The following NKAIN2 variants were observed in gnomAD, a reference collection of about 807,000 sequenced individuals.
The protein encoded by NKAIN2 is sodium/potassium transporting ATPase interacting 2.
A neutral mutation model predicts 32.6 loss-of-function variants in NKAIN2; 14 were observed. That is an observed-to-expected ratio of 0.43 (90% CI 0.28 to 0.67). The LOEUF (loss-of-function observed/expected upper bound fraction) is 0.67. Among genes scored for constraint, NKAIN2 ranks in the 30% least tolerant of loss-of-function variants. NKAIN2 has a pLI of 0.17. For synonymous variants in NKAIN2, 80 were observed against 87.2 expected, an observed-to-expected ratio of 0.92 and a Z score of 0.46; for missense variants, 198 against 258.3, an observed-to-expected ratio of 0.77 and a Z score of 1.60.
intron 3 of NKAIN2, among the ~76,000 whole-genome samples, chr6:124,546,707 A>G (rs1224640954): frequency 6.6e-6 from 1 of 152,174 alleles, no homozygotes; most frequent in Non-Finnish European, 1.5e-5. Context: ...TCTTAGGAGA[A>G]AGTGGAAGGA....
chr6:124,406,013 G>GGTGTGTGTGTGTGTGTGTGTGTGTGTGT lies in NKAIN2; in HGVS notation c.273+50688_273+50689insGTGTGTGTGTGTGTGTGTGTGTGTGTGT, dbSNP rs59361002. Among the ~76,000 whole-genome samples, 380 of 148,526 alleles carry GGTGTGTGTGTGTGTGTGTGTGTGTGTGT rather than the reference G, an allele frequency of 2.6e-3. 1 individual carries two copies. Among genetic ancestry groups the GGTGTGTGTGTGTGTGTGTGTGTGTGTGT allele is most frequent in the South Asian group, 5.3e-3 (25 of 4,686 alleles). ...TACCCAATTCATTCATTACCACCAC[G>GGTGTGTGTGTGTGTGTGTGTGTGTGTGT]GTGTGTGTGTGTGTGTGTGTGTAAT... On this transcript the variant is annotated intron_variant, in intron 3 of 6. Transcript: ENST00000368417.
chr6:124,667,832 C>A (rs1772880270), intron 4 of NKAIN2, among the ~76,000 whole-genome samples: 1 of 152,074 alleles, frequency 6.6e-6, no homozygotes, highest in Non-Finnish European at 1.5e-5. Flanking sequence ...TGGGCAGACA[C>A]ACTTAAGCTA....
At chr6:124,601,982 T>C (rs9491198) in intron 3 of NKAIN2, among the ~76,000 whole-genome samples, 16,615 of 151,988 alleles carry the variant, frequency 0.11, 1,190 homozygotes, top group African/African-American at 0.2. Flanking sequence ...TGGATATTGA[T>C]GTTAATCTCC....
At chr6:124,143,844 G>T (rs996228560) in intron 1 of NKAIN2, among the ~76,000 whole-genome samples, 3 of 152,034 alleles carry the variant, frequency 2.0e-5, no homozygotes, top group African/African-American at 7.2e-5. Context: ...TATGATAAAG[G>T]TTAAGTATAA....
At chr6:123,841,511 A>T (rs1411613320) in intron 1 of NKAIN2, among the ~76,000 whole-genome samples, 1 of 152,198 alleles carries the variant, frequency 6.6e-6, no homozygotes, top group Non-Finnish European at 1.5e-5. Context: ...TGCAGGGACA[A>T]ATTCAGTTGT....
intron 3 of NKAIN2, among the ~76,000 whole-genome samples, chr6:124,641,590 T>G: frequency 7.1e-6 from 1 of 140,386 alleles, no homozygotes; most frequent in Non-Finnish European, 1.5e-5. Flanking sequence ...CTTGCTCTGT[T>G]GCCCAGGCTG....
chr6:124,195,270 T>G (rs533831510), intron 1 of NKAIN2, among the ~76,000 whole-genome samples: 2 of 152,036 alleles, frequency 1.3e-5, no homozygotes, highest in African/African-American at 4.8e-5. Context: ...TCATTAAAAC[T>G]ACATCAATTT....
chr6:123,847,335 C>T (rs549404612), intron 1 of NKAIN2, among the ~76,000 whole-genome samples: 27 of 151,630 alleles, frequency 1.8e-4, no homozygotes, highest in African/African-American at 6.6e-4. Context: ...AATCTTTCAG[C>T]CAAACAGAAA....
intron 4 of NKAIN2, among the ~76,000 whole-genome samples, chr6:124,687,283 G>GAATATATATGT (rs1773960387): frequency 1.4e-5 from 2 of 139,004 alleles, no homozygotes; most frequent in Non-Finnish European, 1.5e-5. Flanking sequence ...TATAGAGAGA[G>GAATATATATGT]AATATATATA....
At chr6:123,976,241 G>A (rs1175201145) in intron 1 of NKAIN2, among the ~76,000 whole-genome samples, 2 of 124,724 alleles carry the variant, frequency 1.6e-5, no homozygotes, top group Admixed American at 1.6e-4. Context: ...CCAGACAATA[G>A]CAAGAACATA....
chr6:124,799,268 G>A (rs1339257370), intron 5 of NKAIN2, among the ~76,000 whole-genome samples: 2 of 152,148 alleles, frequency 1.3e-5, no homozygotes, highest in Non-Finnish European at 2.9e-5. Context: ...TCCCCAGATT[G>A]GTGAGCAATG....
chr6:123,988,909 G>GTA (rs1374653064), intron 1 of NKAIN2, among the ~76,000 whole-genome samples: 5 of 151,356 alleles, frequency 3.3e-5, no homozygotes, highest in East Asian at 1.9e-4. Flanking sequence ...GTGTGTGTAT[G>GTA]TGAGTGTGTA....
intron 1 of NKAIN2, among the ~76,000 whole-genome samples, chr6:123,825,806 C>G (rs4144573): frequency 6.6e-6 from 1 of 151,996 alleles, no homozygotes; most frequent in Non-Finnish European, 1.5e-5. Flanking sequence ...TAAAAACCCT[C>G]ATGCAGCATT....
chr6:124,477,932 A>T (rs1317964627), intron 3 of NKAIN2, among the ~76,000 whole-genome samples: 1 of 151,416 alleles, frequency 6.6e-6, no homozygotes, highest in Non-Finnish European at 1.5e-5. Context: ...TGTCAATGCC[A>T]ATGAATATCC....
At chr6:124,398,670 A>C (rs1773500965) in intron 3 of NKAIN2, among the ~76,000 whole-genome samples, 1 of 152,226 alleles carries the variant, frequency 6.6e-6, no homozygotes, top group Non-Finnish European at 1.5e-5. Context: ...AAAATTGTGC[A>C]GTTTTAAGAG....
intron 3 of NKAIN2, among the ~76,000 whole-genome samples, chr6:124,551,856 T>A (rs1780299616): frequency 6.6e-6 from 1 of 152,224 alleles, no homozygotes; most frequent in African/African-American, 2.4e-5. Flanking sequence ...TCAGAGTCAT[T>A]ACTTTGTGAG....
chr6:123,869,201 C>T (rs923612342), intron 1 of NKAIN2, among the ~76,000 whole-genome samples: 1 of 152,172 alleles, frequency 6.6e-6, no homozygotes, highest in Non-Finnish European at 1.5e-5. Flanking sequence ...CTCAGTTACT[C>T]CATAAAATAG....
intron 1 of NKAIN2, among the ~76,000 whole-genome samples, chr6:123,907,029 C>T (rs946482037): frequency 3.9e-5 from 6 of 152,092 alleles, no homozygotes; most frequent in African/African-American, 1.2e-4. Flanking sequence ...AGCTAGAGGC[C>T]TTCTGTTGTA....
At chr6:124,173,687 TTTATC>T (rs1159876554) in intron 1 of NKAIN2, among the ~76,000 whole-genome samples, 5 of 152,260 alleles carry the variant, frequency 3.3e-5, no homozygotes, top group South Asian at 2.1e-4. Flanking sequence ...CAAATATTAT[TTTATC>T]TTGTTTTCTC....
Sources: gnomAD v4.1 joint callset for allele counts (sites outside exome capture counted in the v4.1 genomes callset) on GRCh38, gnomAD v4.1.1 for gene constraint, MANE v1.5 for transcripts, NCBI Gene and HGNC (gene_info 2026-07-23, HGNC 2026-07-21) for gene names.